ECM2: variants seen among roughly 807,000 people sequenced by gnomAD.
The protein encoded by ECM2 is extracellular matrix protein 2.
ECM2 carries 57 observed loss-of-function variants against 67.5 expected under a neutral mutation model. The observed-to-expected ratio is 0.84, with a 90% CI of 0.68 to 1.05. The LOEUF (loss-of-function observed/expected upper bound fraction) is 1.05, where lower values mean the gene tolerates loss of function less well. ECM2 is among the 50% of genes least tolerant of loss of function. The pLI is 0.00. For missense variants in ECM2, 741 were observed against 822.8 expected, an observed-to-expected ratio of 0.90 and a Z score of 1.22; for synonymous variants, 258 against 294.5, an observed-to-expected ratio of 0.88 and a Z score of 1.27.
intron 5 of ECM2, among the ~76,000 whole-genome samples, chr9:92,511,251 G>A (rs1410380589): frequency 1.3e-5 from 2 of 151,822 alleles, no homozygotes; most frequent in East Asian, 1.9e-4. Flanking sequence ...TCAGCCTCCC[G>A]AGTAGCTGGG....
chr9:92,494,433 C>G (rs117725755), downstream of ECM2, among the ~76,000 whole-genome samples: 4,253 of 152,240 alleles, frequency 0.028, 92 homozygotes, highest in Non-Finnish European at 0.044. Flanking sequence ...AGTAATGCAC[C>G]TTCATTCCTA....
chr9:92,505,680 C>T lies in ECM2; in HGVS notation c.1317G>A (p.Gln439=), dbSNP rs1846958832. The T allele has an allele frequency of 6.3e-7, 1 of 1,580,270 alleles. No homozygotes were observed. The change falls in exon 7 of 10, where the codon CAG becomes CAA. Residue 439 remains glutamine (Q), a synonymous_variant. Transcript: ENST00000344604. ...IDEESLSDLN[Q]LVTLELEGNN... ...TTCCTTCCAATTCTAAGGTGACCAA[C>T]TGATTTAAGTCTATAAAAAATAAAA... is the stretch of plus-strand genomic sequence containing the variant.
upstream of ECM2, among the ~76,000 whole-genome samples, chr9:92,541,434 C>A (rs1465469525): frequency 1.4e-5 from 2 of 141,054 alleles, no homozygotes; most frequent in African/African-American, 2.6e-5. Context: ...CCCGCCCACA[C>A]CCCCACACCC....
intron 6 of ECM2, among the ~76,000 whole-genome samples, chr9:92,508,130 A>G (rs931840937): frequency 1.3e-5 from 2 of 152,090 alleles, no homozygotes; most frequent in African/African-American, 4.8e-5. Context: ...GTGCCCTCAC[A>G]GCACTCCTGG....
chr9:92,545,092 C>T, the ECM2 span, among the ~76,000 whole-genome samples: 2 of 152,190 alleles, frequency 1.3e-5, no homozygotes, highest in Non-Finnish European at 2.9e-5. Context: ...TGGCAGCCCT[C>T]GCAGCCCTCG....
chr9:92,549,981 T>C, the ECM2 span, among the ~76,000 whole-genome samples: 1 of 152,208 alleles, frequency 6.6e-6, no homozygotes, highest in African/African-American at 2.4e-5. Flanking sequence ...GAGCCTTCCC[T>C]TGAAGTCGCA....
chr9:92,549,833 C>A, the ECM2 span, among the ~76,000 whole-genome samples: 1 of 152,110 alleles, frequency 6.6e-6, no homozygotes, highest in African/African-American at 2.4e-5. Context: ...CTGAGCAGTT[C>A]TCTTACTCCC....
chr9:92,523,849 G>T (rs1848224542), intron 1 of ECM2, among the ~76,000 whole-genome samples: 1 of 152,184 alleles, frequency 6.6e-6, no homozygotes, highest in Non-Finnish European at 1.5e-5. Flanking sequence ...GAACATAACG[G>T]CGATAAGAAG....
At chr9:92,544,985 G>C in the ECM2 span, among the ~76,000 whole-genome samples, 1 of 152,142 alleles carries the variant, frequency 6.6e-6, no homozygotes, top group African/African-American at 2.4e-5. Context: ...GCCCGCTCCA[G>C]AGTGCTGGGA....
In ECM2 at chr9:92,500,782, C is replaced by G. The variant is rs1211295217; in HGVS notation, c.1876G>C (p.Gly626Arg). 1 of 1,614,076 alleles carries G rather than the reference C, an allele frequency of 6.2e-7. No individual in the cohort carries two copies. Among genetic ancestry groups the G allele is most frequent in the South Asian group, 1.1e-5 (1 of 91,074 alleles). The change falls in exon 9 of 10, where the codon GGG becomes CGG. Residue 626 changes from glycine to arginine, a missense_variant. Coordinates refer to ENST00000344604, the MANE Select transcript of ECM2 (RefSeq NM_001393.4). Reference sequence around the variant, plus strand: ...TGTAGTGCTTTCATTTCTTGTATCCCAGGTGGTATAGATTTTAAGTCATTG... The same window carrying G: ...TGTAGTGCTTTCATTTCTTGTATCCGAGGTGGTATAGATTTTAAGTCATTG... Reference protein sequence around the residue: ...DHNDLKSIPPGIQEMKALHFL... With the variant: ...DHNDLKSIPPRIQEMKALHFL...
the ECM2 span, among the ~76,000 whole-genome samples, chr9:92,551,923 G>GTATA: frequency 1.2e-4 from 7 of 59,144 alleles, no homozygotes; most frequent in Non-Finnish European, 1.9e-4. Flanking sequence ...TATGGTGTGT[G>GTATA]TGTATATATA....
upstream of ECM2, among the ~76,000 whole-genome samples, chr9:92,537,106 C>A (rs1005151525): frequency 1.3e-5 from 2 of 151,612 alleles, no homozygotes; most frequent in African/African-American, 4.8e-5. Flanking sequence ...GAACTCTTGA[C>A]CTCATGTGAT....
the ECM2 span, among the ~76,000 whole-genome samples, chr9:92,545,581 C>A: frequency 0.38 from 57,397 of 152,052 alleles, 13,474 homozygotes; most frequent in African/African-American, 0.66. Flanking sequence ...GCTCTGCCCC[C>A]TGCTCCACCG....
At chr9:92,537,920 T>C (rs572508943), upstream of ECM2, among the ~76,000 whole-genome samples, 2 of 152,328 alleles carry the variant, frequency 1.3e-5, no homozygotes, top group East Asian at 3.9e-4. Context: ...AGACCACTGC[T>C]AATCAAAAAT....
intron 1 of ECM2, among the ~76,000 whole-genome samples, chr9:92,535,471 C>A (rs1305856523): frequency 6.6e-6 from 1 of 151,988 alleles, no homozygotes; most frequent in African/African-American, 2.4e-5. Context: ...TATTTATAAA[C>A]CTTGATTAAC....
intron 3 of ECM2, chr9:92,516,629 A>G (rs931490358): frequency 1.2e-4 from 19 of 152,334 alleles, no homozygotes; most frequent in Non-Finnish European, 2.2e-4. Flanking sequence ...TCCTTCCTGT[A>G]TATCCAAGTT....
At chr9:92,507,181 G>A (rs984851627) in intron 6 of ECM2, among the ~76,000 whole-genome samples, 9 of 152,188 alleles carry the variant, frequency 5.9e-5, no homozygotes, top group Admixed American at 1.3e-4. Flanking sequence ...GGTTAACCTG[G>A]TGGTGGTGCT....
chr9:92,519,447 C>T (rs1337616460), intron 2 of ECM2, among the ~76,000 whole-genome samples: 1 of 152,166 alleles, frequency 6.6e-6, no homozygotes, highest in East Asian at 1.9e-4. Context: ...CAGCTTTTGT[C>T]AGTGTGATAC....
chr9:92,502,213 G>A (rs113245201), intron 8 of ECM2, among the ~76,000 whole-genome samples: 5,869 of 152,228 alleles, frequency 0.039, 144 homozygotes, highest in Middle Eastern at 0.075. Context: ...GACAGCTGGG[G>A]CTCAGTTCTT....
Sources: allele counts gnomAD v4.1 joint callset (sites outside exome capture counted in the v4.1 genomes callset), GRCh38; gene constraint gnomAD v4.1.1; transcripts MANE v1.5; gene names NCBI Gene and HGNC (gene_info 2026-07-23, HGNC 2026-07-21).